Variants in ATP5F1C observed in about 807,000 individuals in gnomAD.
The protein encoded by ATP5F1C is ATP synthase F(1) complex subunit gamma, mitochondrial.
ATP5F1C carries 22 observed loss-of-function variants against 37.4 expected under a neutral mutation model. That is an observed-to-expected ratio of 0.59 (90% confidence interval 0.42 to 0.84). ATP5F1C has a LOEUF of 0.84. Among genes scored for constraint, ATP5F1C ranks in the 40% least tolerant of loss-of-function variants. The pLI, the probability that ATP5F1C is intolerant of heterozygous loss-of-function variation, is 0.00. For synonymous variants in ATP5F1C, 121 were observed against 128.0 expected (o/e 0.95, Z 0.37); for missense variants, 286 against 362.4 (o/e 0.79, Z 1.71).
At chr10:7,799,658 C>T in intron 4 of ATP5F1C, 114 bp from the exon 5 acceptor site, 1 of 1,231,162 alleles carries the variant, frequency 8.1e-7, no homozygotes, top group Admixed American at 2.4e-5. Flanking sequence ...TCACCACCAC[C>T]CATACCCCAA....
At chr10:7,807,516 T>A in intron 9 of ATP5F1C, 143 bp from the exon 10 acceptor site, 1 of 954,818 alleles carries the variant, frequency 1.0e-6, no homozygotes. Flanking sequence ...GACCAAAATT[T>A]TAGAATCACT....
intron 2 of ATP5F1C, 142 bp from the exon 3 acceptor site, chr10:7,796,905 A>T: frequency 1.0e-6 from 1 of 955,328 alleles, no homozygotes. Flanking sequence ...TTCTAATATT[A>T]AGACTGGTTT....
At chr10:7,790,389 AC>A (rs752463803) in intron 1 of ATP5F1C, among the ~76,000 whole-genome samples, 3 of 152,274 alleles carry the variant, frequency 2.0e-5, no homozygotes, top group East Asian at 3.9e-4. Flanking sequence ...TGAAAATTAA[AC>A]CTTTTTTTTA....
At position 7,799,015 on chromosome 10, in the gene ATP5F1C, G is replaced by A; in HGVS notation, c.249G>A (p.Lys83=). Residue 83 remains lysine, a synonymous_variant, in exon 4 of 10, where the codon AAG becomes AAA. Coordinates refer to ENST00000356708, the MANE Select transcript of ATP5F1C (RefSeq NM_001001973.3). Reference sequence around the variant, plus strand: ...CTCTGTATGAAAAAGCTGATATCAAGGGGCCTGAAGACAAGAAGAAACACC... The same window carrying A: ...CTCTGTATGAAAAAGCTGATATCAAAGGGCCTGAAGACAAGAAGAAACACC... The part of the protein sequence containing the change: ...SLALYEKADI[K]GPEDKKKHLL... The A allele has an allele frequency of 6.2e-7, 1 of 1,612,168 alleles. No individual in the cohort carries two copies. The highest frequency in any genetic ancestry group is 8.5e-7 in the Non-Finnish European group (1 of 1,179,848).
chr10:7,798,697 AT>A lies in ATP5F1C; in HGVS notation c.224-288del, dbSNP rs572634999. On this transcript the variant is annotated intron_variant, in intron 3 of 9. Coordinates refer to ENST00000356708, the MANE Select transcript of ATP5F1C (RefSeq NM_001001973.3). ...AGACGTGAGCCACCGTGCCCAGCCA[AT>A]TTTTATATTTTTAATAGAGACGGGA... Among the ~76,000 whole-genome samples the A allele has an allele frequency of 1.9e-3, 276 of 144,208 alleles. 1 individual carries two copies. The highest frequency in any genetic ancestry group is 6.9e-3 in the African/African-American group (264 of 38,284). The allele number at this position is 144,208 out of a possible 152,430, so 94.6% of individuals were successfully genotyped here.
intron 1 of ATP5F1C, 138 bp downstream of exon 1, chr10:7,788,401 C>G: frequency 7.9e-7 from 1 of 1,262,550 alleles, no homozygotes; most frequent in East Asian, 2.5e-5. Context: ...TCGGAGGCGC[C>G]GGGTAGCGGG....
chr10:7,798,927 T>G (rs1836294200), intron 3 of ATP5F1C, 63 bp from the exon 4 acceptor site: 5 of 1,457,306 alleles, frequency 3.4e-6, no homozygotes, highest in Non-Finnish European at 4.7e-6. Flanking sequence ...CTTTGTAAAT[T>G]AGAGATTTAT....
chr10:7,799,286 C>A, intron 4 of ATP5F1C, 92 bp downstream of exon 4: 1 of 1,222,282 alleles, frequency 8.2e-7, no homozygotes, highest in Non-Finnish European at 1.2e-6. Flanking sequence ...AAACCTTCAT[C>A]AATAACAAGG....
At chr10:7,807,216 T>C (rs1315782162) in intron 9 of ATP5F1C, among the ~76,000 whole-genome samples, 2 of 152,164 alleles carry the variant, frequency 1.3e-5, no homozygotes, top group South Asian at 4.1e-4. Flanking sequence ...AATGTAGATA[T>C]AAGGAAATAA....
At chr10:7,798,313 T>C (rs536439648) in intron 3 of ATP5F1C, among the ~76,000 whole-genome samples, 1 of 151,444 alleles carries the variant, frequency 6.6e-6, no homozygotes, top group Non-Finnish European at 1.5e-5. Context: ...CTCAGCTCAC[T>C]ACAACCTCCC....
chr10:7,804,363 C>T (rs1183828758), intron 8 of ATP5F1C, among the ~76,000 whole-genome samples: 1 of 152,186 alleles, frequency 6.6e-6, no homozygotes, highest in African/African-American at 2.4e-5. Flanking sequence ...CAGTCTCTTA[C>T]CATTACCATT....
intron 3 of ATP5F1C, among the ~76,000 whole-genome samples, chr10:7,798,359 C>T: frequency 6.6e-6 from 1 of 152,120 alleles, no homozygotes; most frequent in Non-Finnish European, 1.5e-5. Flanking sequence ...GCCTCAGCCT[C>T]CCCAGTAGCT....
chr10:7,805,731 A>C (rs1229313901), intron 8 of ATP5F1C, among the ~76,000 whole-genome samples: 1 of 141,222 alleles, frequency 7.1e-6, no homozygotes, highest in East Asian at 2.1e-4. Context: ...TGGGCAAAAG[A>C]GCAAGACTCC....
chr10:7,792,528 A>G (rs901503443), intron 1 of ATP5F1C, among the ~76,000 whole-genome samples: 3 of 152,144 alleles, frequency 2.0e-5, no homozygotes, highest in Non-Finnish European at 4.4e-5. Context: ...CTCTCCCCAA[A>G]ACCCTGACAA....
intron 1 of ATP5F1C, among the ~76,000 whole-genome samples, chr10:7,794,294 T>C (rs1836204196): frequency 6.6e-6 from 1 of 152,218 alleles, no homozygotes; most frequent in Non-Finnish European, 1.5e-5. Flanking sequence ...ATTTTCTACA[T>C]AGATAATCAT....
chr10:7,791,193 G>A (rs766340015), intron 1 of ATP5F1C, among the ~76,000 whole-genome samples: 1 of 151,950 alleles, frequency 6.6e-6, no homozygotes, highest in Non-Finnish European at 1.5e-5. Context: ...CCAGCTACTC[G>A]GGAGGCTGAG....
intron 6 of ATP5F1C, among the ~76,000 whole-genome samples, chr10:7,801,324 C>G (rs1013889027): frequency 2.0e-5 from 3 of 152,172 alleles, no homozygotes; most frequent in Admixed American, 2.0e-4. Context: ...GTAGGTGTTA[C>G]AACCAGTACC....
chr10:7,802,453 C>T (rs761318263), intron 7 of ATP5F1C, 28 bp downstream of exon 7: 3 of 1,590,062 alleles, frequency 1.9e-6, no homozygotes, highest in Non-Finnish European at 1.7e-6. Context: ...ACAGTGCCAG[C>T]AGGAGTGCTT....
At chr10:7,799,711 C>T in intron 4 of ATP5F1C, 61 bp from the exon 5 acceptor site, 1 of 1,589,398 alleles carries the variant, frequency 6.3e-7, no homozygotes, top group Non-Finnish European at 8.6e-7. Context: ...TGCCTGTCCC[C>T]TGTGCTCTTT....
Sources: allele counts gnomAD v4.1 joint callset (sites outside exome capture counted in the v4.1 genomes callset), GRCh38; gene constraint gnomAD v4.1.1; transcripts MANE v1.5; gene names NCBI Gene and HGNC (gene_info 2026-07-23, HGNC 2026-07-21).